The following KCNH8 variants were observed in gnomAD, a reference collection of about 807,000 sequenced individuals.
KCNH8 encodes potassium voltage-gated channel subfamily H member 8.
In KCNH8, 70 loss-of-function variants were observed where a neutral mutation model predicts 103.6. The ratio of observed to expected loss-of-function variants is 0.68; its 90% CI spans 0.56 to 0.82. The LOEUF is 0.82. Among genes scored for constraint, KCNH8 ranks in the 40% least tolerant of loss-of-function variants. KCNH8 has a pLI of 0.00. For synonymous variants in KCNH8, 498 were observed against 489.4 expected (o/e 1.02, Z -0.23); for missense variants, 1,217 against 1,329.9 (o/e 0.92, Z 1.32).
At chr3:19,246,659 C>G (rs951827798) in intron 1 of KCNH8, among the ~76,000 whole-genome samples, 3 of 152,086 alleles carry the variant, frequency 2.0e-5, no homozygotes, top group African/African-American at 7.2e-5. Context: ...ATAAGTCTCT[C>G]TTATTTTTTT....
intron 2 of KCNH8, among the ~76,000 whole-genome samples, chr3:19,275,431 G>A (rs2064655217): frequency 6.6e-6 from 1 of 152,028 alleles, no homozygotes; most frequent in Non-Finnish European, 1.5e-5. Flanking sequence ...AGGGAGTCAG[G>A]AAACCAGTGC....
chr3:19,401,763 T>G (rs1559310402), intron 7 of KCNH8, among the ~76,000 whole-genome samples: 1 of 151,954 alleles, frequency 6.6e-6, no homozygotes, highest in South Asian at 2.1e-4. Context: ...AGTTGCATTA[T>G]CTCTGCAGTC....
intron 12 of KCNH8, among the ~76,000 whole-genome samples, chr3:19,511,121 T>C (rs1455821368): frequency 1.3e-5 from 2 of 152,066 alleles, no homozygotes; most frequent in Non-Finnish European, 2.9e-5. Context: ...ATTAGGTATT[T>C]CTCCTAATGT....
intron 5 of KCNH8, among the ~76,000 whole-genome samples, chr3:19,371,701 A>G (rs767271186): frequency 1.3e-5 from 2 of 150,690 alleles, no homozygotes; most frequent in Middle Eastern, 3.4e-3. Flanking sequence ...TATGTCCTGA[A>G]TGGTAATGCC....
At chr3:19,224,903 A>G (rs569789634) in intron 1 of KCNH8, among the ~76,000 whole-genome samples, 2 of 152,292 alleles carry the variant, frequency 1.3e-5, no homozygotes, top group South Asian at 4.1e-4. Flanking sequence ...AACGACAGAC[A>G]TACAGAATTC....
chr3:19,323,373 C>T lies in KCNH8; in HGVS notation c.443-19214C>T, dbSNP rs542882304. On this transcript the variant is annotated intron_variant, in intron 3 of 15. Transcript: ENST00000328405. ...CTGAGGCAGGAGAATGGTGTGAACCCGGGAGGCAGAGCTTGCAGTGAGCTG... is the reference window on the plus strand; with the variant it reads ...CTGAGGCAGGAGAATGGTGTGAACCTGGGAGGCAGAGCTTGCAGTGAGCTG... 7.9e-5 allele frequency among the ~76,000 whole-genome samples: 12 copies of T among 152,050 alleles called. No individual in the cohort carries two copies. The South Asian group carries it at 8.3e-4, about 11-fold the overall frequency.
At chr3:19,481,197 A>G (rs2068080074) in intron 11 of KCNH8, among the ~76,000 whole-genome samples, 1 of 152,158 alleles carries the variant, frequency 6.6e-6, no homozygotes, top group African/African-American at 2.4e-5. Flanking sequence ...TTTATGGGGT[A>G]GAAGTTTAAT....
At chr3:19,423,636 T>TTGTG (rs149629798) in intron 7 of KCNH8, among the ~76,000 whole-genome samples, 2,226 of 149,782 alleles carry the variant, frequency 0.015, 37 homozygotes, top group Non-Finnish European at 0.013. Context: ...TAATATTCCA[T>TTGTG]TGTGTGTGTG....
At chr3:19,514,891 G>GT (rs769914831) in intron 13 of KCNH8, among the ~76,000 whole-genome samples, 4 of 151,716 alleles carry the variant, frequency 2.6e-5, no homozygotes, top group African/African-American at 4.8e-5. Flanking sequence ...ACAGTAGTGT[G>GT]TGATAAAAAA....
At chr3:19,205,065 T>C (rs1412595133) in intron 1 of KCNH8, among the ~76,000 whole-genome samples, 1 of 151,986 alleles carries the variant, frequency 6.6e-6, no homozygotes, top group African/African-American at 2.4e-5. Context: ...ATTCGCTCAT[T>C]CATCCACCCA....
intron 1 of KCNH8, among the ~76,000 whole-genome samples, chr3:19,232,795 AATCTCAATTGGCATGGGTC>A (rs1378999615): frequency 6.6e-6 from 1 of 152,196 alleles, no homozygotes; most frequent in Admixed American, 6.5e-5. Context: ...AACACATCCA[AATCTCAATTGGCATGGGTC>A]ACGTGTAGCT....
At chr3:19,175,453 T>C (rs1034322325) in intron 1 of KCNH8, among the ~76,000 whole-genome samples, 1 of 152,020 alleles carries the variant, frequency 6.6e-6, no homozygotes, top group South Asian at 2.1e-4. Context: ...TCGTGATCCG[T>C]CCGCCTCGGC....
rs2065555074 is a variant in KCNH8 at position 19,334,461 on chromosome 3, AG to A, written c.443-8123del. Among the ~76,000 whole-genome samples the A allele has an allele frequency of 2.0e-5, 3 of 152,152 alleles. No homozygotes were observed. The South Asian group carries it at 6.2e-4, about 31-fold the overall frequency. On this transcript the variant is annotated intron_variant, in intron 3 of 15. Coordinates refer to ENST00000328405, the MANE Select transcript of KCNH8 (RefSeq NM_144633.3). ...TCATCTTTAAAAAACAGAACAAAGC[AG>A]GGCTTAATTTGTGGCCATTTGCATT...
intron 3 of KCNH8, among the ~76,000 whole-genome samples, chr3:19,331,491 C>T (rs2065508075): frequency 6.6e-6 from 1 of 151,972 alleles, no homozygotes. Flanking sequence ...CGAGGTTTCA[C>T]CATCTTGGCC....
intron 1 of KCNH8, among the ~76,000 whole-genome samples, chr3:19,227,144 T>C (rs928556723): frequency 1.3e-5 from 2 of 152,236 alleles, no homozygotes; most frequent in African/African-American, 4.8e-5. Context: ...TTTGGGCACC[T>C]CAGTCTGGGT....
In KCNH8 at chr3:19,253,521, T is replaced by C. The variant is rs1176276606; in HGVS notation, c.77-133T>C. The C allele has an allele frequency of 1.4e-5, 10 of 705,104 alleles. No homozygotes were observed. In the East Asian group the frequency reaches 2.3e-4, roughly 16 times the overall value. The allele number at this position is 705,104 out of a possible 1,614,324, so 43.7% of individuals were successfully genotyped here. ...CCATTTTATGTTTTGGAGTGTCTCTTTTCCACTGCAGCACATCAGAATGTG... is the reference window on the plus strand; with the variant it reads ...CCATTTTATGTTTTGGAGTGTCTCTCTTCCACTGCAGCACATCAGAATGTG... On this transcript the variant is annotated intron_variant, in intron 1 of 15. Transcript: ENST00000328405.
At chr3:19,439,280 T>C (rs1489790244) in intron 8 of KCNH8, among the ~76,000 whole-genome samples, 1 of 152,250 alleles carries the variant, frequency 6.6e-6, no homozygotes, top group Non-Finnish European at 1.5e-5. Flanking sequence ...ATCTGCATTT[T>C]ATATTTCTCT....
intron 1 of KCNH8, among the ~76,000 whole-genome samples, chr3:19,237,025 G>T (rs1242428465): frequency 1.3e-5 from 2 of 152,170 alleles, no homozygotes; most frequent in Admixed American, 6.5e-5. Flanking sequence ...GATTGTGGGA[G>T]GTAAATACAG....
intron 5 of KCNH8, among the ~76,000 whole-genome samples, chr3:19,386,911 T>G (rs1032269323): frequency 2.6e-5 from 4 of 152,200 alleles, no homozygotes. Flanking sequence ...GATTCTGTCA[T>G]GAGGGACACC....
Sources: allele counts gnomAD v4.1 joint callset (sites outside exome capture counted in the v4.1 genomes callset), GRCh38; gene constraint gnomAD v4.1.1; transcripts MANE v1.5; gene names NCBI Gene and HGNC (gene_info 2026-07-23, HGNC 2026-07-21).